Variants in KCNMB2 observed in about 807,000 individuals in gnomAD.
KCNMB2 encodes the protein calcium-activated potassium channel subunit beta-2.
KCNMB2 carries 9 observed loss-of-function variants against 24.5 expected under a neutral mutation model. That is an observed-to-expected ratio of 0.37 (90% confidence interval 0.22 to 0.64). The LOEUF (loss-of-function observed/expected upper bound fraction) is 0.64, where lower values mean the gene tolerates loss of function less well. KCNMB2 is among the 30% of genes least tolerant of loss of function. The pLI, the probability that KCNMB2 is intolerant of heterozygous loss-of-function variation, is 0.63. For missense variants in KCNMB2, 226 were observed against 284.3 expected (o/e 0.79, Z 1.47); for synonymous variants, 109 against 104.4 (o/e 1.04, Z -0.27).
intron 1 of KCNMB2, among the ~76,000 whole-genome samples, chr3:178,587,081 T>C (rs181204465): frequency 6.6e-6 from 1 of 152,282 alleles, no homozygotes; most frequent in Admixed American, 6.5e-5. Context: ...AAATGGCACA[T>C]TTATGGTGTG....
intron 1 of KCNMB2, among the ~76,000 whole-genome samples, chr3:178,654,502 A>T (rs1050021789): frequency 6.6e-6 from 1 of 152,236 alleles, no homozygotes; most frequent in Non-Finnish European, 1.5e-5. Context: ...GGAAGAAAAT[A>T]ATAAAATTAA....
chr3:178,813,530 T>C (rs951072181), intron 2 of KCNMB2, among the ~76,000 whole-genome samples: 1 of 152,228 alleles, frequency 6.6e-6, no homozygotes, highest in Non-Finnish European at 1.5e-5. Flanking sequence ...CTGATAGATT[T>C]GTTTTGATTT....
At chr3:178,758,480 C>G (rs1163565127) in intron 1 of KCNMB2, among the ~76,000 whole-genome samples, 1 of 45,022 alleles carries the variant, frequency 2.2e-5, no homozygotes, top group Non-Finnish European at 4.1e-5. Flanking sequence ...ATATATATCT[C>G]CAAGAGGTGA....
chr3:178,781,979 C>T (rs1712873506), intron 1 of KCNMB2, among the ~76,000 whole-genome samples: 2 of 120,362 alleles, frequency 1.7e-5, no homozygotes, highest in Non-Finnish European at 3.4e-5. Flanking sequence ...TGTGATATTC[C>T]CCTTCCTGTG....
rs1560017822 is a variant in KCNMB2 at position 178,778,464 on chromosome 3, A to ACGCACGTGCGCGCGCGCGCGCG, written c.-67-28878_-67-28877insGCACGTGCGCGCGCGCGCGCGC. On this transcript the variant is annotated intron_variant, in intron 1 of 4. Transcript: ENST00000452583. ...GATTTCTACCCTTTAAGACACACAC[A>ACGCACGTGCGCGCGCGCGCGCG]CACACACACACACACACACACACAC... 2.7e-3 allele frequency among the ~76,000 whole-genome samples: 168 copies of ACGCACGTGCGCGCGCGCGCGCG among 61,208 alleles called. 2 individuals are homozygous for ACGCACGTGCGCGCGCGCGCGCG. The highest frequency in any genetic ancestry group is 5.5e-3 in the Admixed American group (36 of 6,538). The allele number at this position is 61,208 out of a possible 152,430, so 40.2% of individuals were successfully genotyped here.
chr3:178,602,405 T>C (rs548062328), intron 1 of KCNMB2, among the ~76,000 whole-genome samples: 2 of 152,092 alleles, frequency 1.3e-5, no homozygotes, highest in South Asian at 4.1e-4. Context: ...CTTTAGGAAA[T>C]AGAATAAACA....
intron 1 of KCNMB2, among the ~76,000 whole-genome samples, chr3:178,661,119 T>C (rs1369797369): frequency 1.3e-5 from 2 of 152,110 alleles, no homozygotes; most frequent in African/African-American, 2.4e-5. Context: ...GTATTTCTCC[T>C]AATGCTGTCC....
chr3:178,835,084 T>C (rs1715177385), intron 4 of KCNMB2, among the ~76,000 whole-genome samples: 2 of 151,480 alleles, frequency 1.3e-5, no homozygotes, highest in South Asian at 4.2e-4. Context: ...GCCGAGAAGA[T>C]TCTATCTCCT....
intron 1 of KCNMB2, among the ~76,000 whole-genome samples, chr3:178,589,635 C>T (rs1717589086): frequency 6.6e-6 from 1 of 152,150 alleles, no homozygotes; most frequent in Admixed American, 6.5e-5. Flanking sequence ...TGTGCCACCA[C>T]ACCTGACAAA....
At chr3:178,722,821 G>C (rs1328968667) in intron 1 of KCNMB2, among the ~76,000 whole-genome samples, 1 of 152,122 alleles carries the variant, frequency 6.6e-6, no homozygotes, top group Non-Finnish European at 1.5e-5. Context: ...TGAGCCCTGG[G>C]GGCGGAGGTT....
chr3:178,649,959 C>T (rs34879694), intron 1 of KCNMB2, among the ~76,000 whole-genome samples: 23,731 of 151,984 alleles, frequency 0.16, 1,898 homozygotes, highest in Admixed American at 0.21. Context: ...AGATCTTTCC[C>T]GCTTTCTCCT....
intron 4 of KCNMB2, among the ~76,000 whole-genome samples, chr3:178,842,143 C>G (rs1015311873): frequency 6.6e-6 from 1 of 151,892 alleles, no homozygotes; most frequent in African/African-American, 2.4e-5. Flanking sequence ...GCAAAGTAAC[C>G]AAATAAAATG....
intron 1 of KCNMB2, among the ~76,000 whole-genome samples, chr3:178,802,173 C>T (rs1713798365): frequency 6.6e-6 from 1 of 152,144 alleles, no homozygotes; most frequent in South Asian, 2.1e-4. Flanking sequence ...ATATAATCTG[C>T]CACCTACAAA....
intron 2 of KCNMB2, among the ~76,000 whole-genome samples, chr3:178,811,469 C>T (rs1714190734): frequency 6.6e-6 from 1 of 152,000 alleles, no homozygotes; most frequent in Non-Finnish European, 1.5e-5. Flanking sequence ...TGGAATCATG[C>T]CATATTTATT....
intron 4 of KCNMB2, among the ~76,000 whole-genome samples, chr3:178,838,949 A>G (rs1397226204): frequency 1.3e-5 from 2 of 152,250 alleles, no homozygotes; most frequent in South Asian, 4.1e-4. Flanking sequence ...ACTGAAAATT[A>G]TAATGTTTTG....
intron 1 of KCNMB2, among the ~76,000 whole-genome samples, chr3:178,744,716 G>GA (rs11434181): frequency 0.35 from 50,981 of 145,232 alleles, 9,111 homozygotes; most frequent in African/African-American, 0.46. Flanking sequence ...TGTGGGATCC[G>GA]AAAAAAAAAA....
At chr3:178,572,102 C>T (rs933243862) in intron 1 of KCNMB2, among the ~76,000 whole-genome samples, 2 of 152,124 alleles carry the variant, frequency 1.3e-5, no homozygotes, top group Non-Finnish European at 2.9e-5. Flanking sequence ...GAATGTTACA[C>T]AATCATTTCT....
At chr3:178,732,715 G>A (rs1723192124) in intron 1 of KCNMB2, among the ~76,000 whole-genome samples, 1 of 152,164 alleles carries the variant, frequency 6.6e-6, no homozygotes, top group Admixed American at 6.5e-5. Context: ...ATTATATAAA[G>A]TGCATTTAAA....
At chr3:178,740,112 G>A (rs188029355) in intron 1 of KCNMB2, among the ~76,000 whole-genome samples, 13 of 151,058 alleles carry the variant, frequency 8.6e-5, no homozygotes, top group South Asian at 4.2e-4. Context: ...CTTCTGCTTC[G>A]TAAACATTTT....
Sources: gnomAD v4.1 joint callset for allele counts (sites outside exome capture counted in the v4.1 genomes callset) on GRCh38, gnomAD v4.1.1 for gene constraint, MANE v1.5 for transcripts, NCBI Gene and HGNC (gene_info 2026-07-23, HGNC 2026-07-21) for gene names.